The following SLC49A4 variants were observed in gnomAD, a reference collection of about 807,000 sequenced individuals.
The protein encoded by SLC49A4 is solute carrier family 49 member 4.
In SLC49A4, 36 loss-of-function variants were observed where a neutral mutation model predicts 50.6. The observed-to-expected ratio is 0.71, with a 90% CI of 0.55 to 0.94. The LOEUF (loss-of-function observed/expected upper bound fraction) is 0.94, where lower values mean the gene tolerates loss of function less well. Ranked by LOEUF, SLC49A4 falls within the 40% of genes least tolerant of loss-of-function variation. The pLI, the probability that SLC49A4 is intolerant of heterozygous loss-of-function variation, is 0.00. For synonymous variants in SLC49A4, 248 were observed against 241.2 expected (o/e 1.03, Z -0.26); for missense variants, 503 against 605.7 (o/e 0.83, Z 1.78).
intron 1 of SLC49A4, among the ~76,000 whole-genome samples, chr3:122,800,587 A>G (rs1936116211): frequency 6.6e-6 from 1 of 152,172 alleles, no homozygotes; most frequent in Admixed American, 6.5e-5. Context: ...GGGAAAATTG[A>G]TGATGCCGGA....
intron 2 of SLC49A4, among the ~76,000 whole-genome samples, chr3:122,822,642 C>T (rs994185371): frequency 3.3e-5 from 5 of 152,156 alleles, no homozygotes; most frequent in African/African-American, 1.2e-4. Context: ...CTCTTATGTT[C>T]TTGGAACTCG....
rs558952749 is a variant in SLC49A4, at chr3:122,869,285, G to A, written c.1139-3130G>A. Among the ~76,000 whole-genome samples, 14 of 152,070 alleles carry A rather than the reference G, an allele frequency of 9.2e-5. No homozygotes were observed. The South Asian group carries it at 2.3e-3, about 25-fold the overall frequency. On this transcript the variant is annotated intron_variant, in intron 7 of 8. Transcript: ENST00000261038. ...TGCCAGTTTCTTCTGTATTCTCCCA[G>A]GGAATTCTGTATATTTACAGATAGA... is the stretch of plus-strand genomic sequence containing the variant.
intron 2 of SLC49A4, among the ~76,000 whole-genome samples, chr3:122,825,627 T>C (rs1332495835): frequency 1.3e-5 from 2 of 149,496 alleles, no homozygotes; most frequent in Admixed American, 1.4e-4. Context: ...TGGCTTAAGA[T>C]GGCAGTTTAA....
chr3:122,831,258 A>G (rs547190883), intron 3 of SLC49A4, among the ~76,000 whole-genome samples: 1 of 152,296 alleles, frequency 6.6e-6, no homozygotes, highest in South Asian at 2.1e-4. Context: ...CATACAATCC[A>G]GAAATTACAT....
chr3:122,879,343 G>C lies in SLC49A4; in HGVS notation c.1402G>C (p.Asp468His), dbSNP rs777996216. The C allele has an allele frequency of 6.2e-7, 1 of 1,613,774 alleles. No homozygotes were observed. Residue 468 changes from aspartate (D) to histidine (H), a missense_variant, in exon 9 of 9, where the codon GAC becomes CAC. By Grantham distance (81) the Asp-to-His change is moderately conservative. Coordinates refer to ENST00000261038, the MANE Select transcript of SLC49A4 (RefSeq NM_032839.3). ...CATTCTGTGCTTCAGGGAATCCTAT[G>C]ACAGACTCTATCTTGATGTGGTTGT... ...LLILCFRESY[D>H]RLYLDVVVSV is the part of the protein sequence containing the mutation.
intron 3 of SLC49A4, among the ~76,000 whole-genome samples, chr3:122,832,461 T>G (rs1220166607): frequency 1.3e-5 from 2 of 152,232 alleles, no homozygotes; most frequent in African/African-American, 4.8e-5. Context: ...TTAAATTCTA[T>G]TCCCTGTCTC....
chr3:122,876,012 T>G (rs1290543069), intron 8 of SLC49A4, among the ~76,000 whole-genome samples: 3 of 152,106 alleles, frequency 2.0e-5, no homozygotes, highest in Non-Finnish European at 2.9e-5. Context: ...TTGTCAGAAG[T>G]TTTTTAGAGT....
At chr3:122,836,468 T>C (rs1936688576) in intron 4 of SLC49A4, among the ~76,000 whole-genome samples, 1 of 152,182 alleles carries the variant, frequency 6.6e-6, no homozygotes, top group Non-Finnish European at 1.5e-5. Context: ...TTTTTGGTTG[T>C]GTCTCTGCCA....
At chr3:122,863,708 G>A (rs1224166157) in intron 7 of SLC49A4, among the ~76,000 whole-genome samples, 1 of 152,054 alleles carries the variant, frequency 6.6e-6, no homozygotes, top group African/African-American at 2.4e-5. Context: ...TTTTAATCAG[G>A]AAAATATCTA....
chr3:122,848,474 T>G (rs1368708903), intron 5 of SLC49A4, among the ~76,000 whole-genome samples: 1 of 152,144 alleles, frequency 6.6e-6, no homozygotes, highest in Non-Finnish European at 1.5e-5. Flanking sequence ...TACAGATCAT[T>G]TTCAAAATTA....
chr3:122,871,766 A>G (rs947758231), intron 7 of SLC49A4, among the ~76,000 whole-genome samples: 6 of 152,208 alleles, frequency 3.9e-5, no homozygotes, highest in African/African-American at 1.4e-4. Flanking sequence ...TCCTTATTCA[A>G]TAGACTTTGC....
At chr3:122,858,483 C>T (rs1411623893) in intron 6 of SLC49A4, among the ~76,000 whole-genome samples, 1 of 152,008 alleles carries the variant, frequency 6.6e-6, no homozygotes, top group East Asian at 1.9e-4. Context: ...TTCAGCATAC[C>T]TAAGAATTTT....
At chr3:122,861,442 A>G (rs1225145303) in intron 7 of SLC49A4, among the ~76,000 whole-genome samples, 10 of 152,198 alleles carry the variant, frequency 6.6e-5, no homozygotes, top group Non-Finnish European at 1.5e-4. Flanking sequence ...CTTTTGCATT[A>G]TATATTTAAT....
chr3:122,849,290 A>ATTTTATATACTGAT (rs1020516959), intron 5 of SLC49A4, among the ~76,000 whole-genome samples: 1 of 152,062 alleles, frequency 6.6e-6, no homozygotes, highest in Non-Finnish European at 1.5e-5. Flanking sequence ...TCATATACTG[A>ATTTTATATACTGAT]TTTTATATAC....
At chr3:122,804,282 A>G (rs1290630690) in intron 1 of SLC49A4, among the ~76,000 whole-genome samples, 6 of 152,216 alleles carry the variant, frequency 3.9e-5, no homozygotes, top group African/African-American at 1.4e-4. Context: ...TGAACTCAGC[A>G]AGAACTCAGT....
intron 2 of SLC49A4, among the ~76,000 whole-genome samples, chr3:122,824,816 T>A (rs1393484753): frequency 7.2e-6 from 1 of 139,236 alleles, no homozygotes; most frequent in African/African-American, 2.7e-5. Context: ...CACTGCAACC[T>A]CTGCCTCCCA....
chr3:122,812,462 A>G (rs1052130528), intron 2 of SLC49A4, among the ~76,000 whole-genome samples: 1 of 152,200 alleles, frequency 6.6e-6, no homozygotes, highest in Non-Finnish European at 1.5e-5. Context: ...ATTCCCCTAT[A>G]TCAGTGTCTT....
intron 2 of SLC49A4, among the ~76,000 whole-genome samples, chr3:122,808,284 AT>A (rs1402003065): frequency 5.9e-5 from 9 of 152,242 alleles, no homozygotes; most frequent in Non-Finnish European, 1.3e-4. Flanking sequence ...AACTAGATAA[AT>A]AAGTAAAATA....
At chr3:122,874,934 T>C (rs942691673) in intron 8 of SLC49A4, among the ~76,000 whole-genome samples, 6 of 152,222 alleles carry the variant, frequency 3.9e-5, no homozygotes, top group Non-Finnish European at 5.9e-5. Context: ...AGTCTTCCAT[T>C]GTAAAGAAAT....
Sources: gnomAD v4.1 joint callset for allele counts (sites outside exome capture counted in the v4.1 genomes callset) on GRCh38, gnomAD v4.1.1 for gene constraint, MANE v1.5 for transcripts, NCBI Gene and HGNC (gene_info 2026-07-23, HGNC 2026-07-21) for gene names.